Variants in INTS4 observed in about 807,000 individuals in gnomAD.
INTS4 encodes MSTP093.
A neutral mutation model predicts 119.5 loss-of-function variants in INTS4; 70 were observed. That is an observed-to-expected ratio of 0.59 (90% confidence interval 0.48 to 0.71). The LOEUF is 0.71. Among genes scored for constraint, INTS4 ranks in the 30% least tolerant of loss-of-function variants. The pLI is 0.00. For synonymous variants in INTS4, 316 were observed against 419.6 expected (o/e 0.75, Z 3.02); for missense variants, 867 against 1,173.2 (o/e 0.74, Z 3.81).
intron 7 of INTS4, among the ~76,000 whole-genome samples, 191 bp from the exon 8 acceptor site, chr11:77,956,253 A>G (rs1428424420): frequency 6.6e-6 from 1 of 152,168 alleles, no homozygotes; most frequent in East Asian, 1.9e-4. Flanking sequence ...TACAAAAAAA[A>G]TACAAAAATT....
At chr11:77,942,149 C>T (rs1200481489) in intron 8 of INTS4, among the ~76,000 whole-genome samples, 1 of 152,068 alleles carries the variant, frequency 6.6e-6, no homozygotes, top group Non-Finnish European at 1.5e-5. Context: ...AATAAAAAGA[C>T]AACAGCTGTA....
intron 4 of INTS4, among the ~76,000 whole-genome samples, chr11:77,967,188 A>G (rs1254891218): frequency 6.6e-6 from 1 of 152,172 alleles, no homozygotes; most frequent in East Asian, 1.9e-4. Context: ...CCCAACAGTC[A>G]TAGTTACAAA....
Position 77,903,629 on chromosome 11 carries a change from A to C in INTS4, c.2017-9T>G. On this transcript the variant is annotated splice_polypyrimidine_tract_variant and intron_variant, in intron 16 of 22. Transcript: ENST00000534064. ...AACTTTTCCTGCAAGGCCTACGCAG[A>C]CAAATCAGGAGGGAACAGAATACCG... 6.2e-7 allele frequency: 1 copy of C among 1,610,368 alleles called. No homozygotes were observed. Among genetic ancestry groups the C allele is most frequent in the Non-Finnish European group, 8.5e-7 (1 of 1,177,408 alleles).
chr11:77,892,708 GAGT>G (rs1952328699), intron 19 of INTS4, among the ~76,000 whole-genome samples: 1 of 151,840 alleles, frequency 6.6e-6, no homozygotes, highest in Non-Finnish European at 1.5e-5. Flanking sequence ...TCAGCCTCCC[GAGT>G]AGCTGGGACT....
intron 10 of INTS4, among the ~76,000 whole-genome samples, chr11:77,931,573 T>C (rs1953649900): frequency 6.6e-6 from 1 of 152,108 alleles, no homozygotes. Context: ...TCAAAACATC[T>C]CATGTACCCC....
intron 2 of INTS4, among the ~76,000 whole-genome samples, chr11:77,982,674 A>C (rs183457122): frequency 6.6e-6 from 1 of 152,204 alleles, no homozygotes; most frequent in Non-Finnish European, 1.5e-5. Flanking sequence ...GCCATATCTC[A>C]AGAATATAGC....
chr11:77,963,352 C>CAAAAAAAAAAAAAAA (rs777966254), intron 4 of INTS4: 45 of 177,680 alleles, frequency 2.5e-4, no homozygotes, highest in Middle Eastern at 4.2e-3. Context: ...GACTCCGTCT[C>CAAAAAAAAAAAAAAA]AAAAAAAAAA....
At chr11:77,958,885 T>C (rs753495890) in intron 6 of INTS4, 51 bp from the exon 7 acceptor site, 3 of 1,144,150 alleles carry the variant, frequency 2.6e-6, no homozygotes, top group Non-Finnish European at 3.9e-6. Flanking sequence ...TCTCAGGCAA[T>C]GTTTAAACTA....
chr11:77,879,236 T>G, intron 22 of INTS4, 109 bp from the exon 23 acceptor site: 1 of 1,199,390 alleles, frequency 8.3e-7, no homozygotes, highest in Non-Finnish European at 1.2e-6. Context: ...AGAAATTTCT[T>G]CATCCGTCTA....
chr11:77,875,577 G>A (rs150158813), downstream of INTS4, among the ~76,000 whole-genome samples: 24 of 152,266 alleles, frequency 1.6e-4, no homozygotes, highest in East Asian at 4.6e-3. Context: ...TCTTCCAATT[G>A]CTGTTATCTT....
chr11:77,907,875 T>C, intron 15 of INTS4, 65 bp from the exon 16 acceptor site: 2 of 1,018,128 alleles, frequency 2.0e-6, no homozygotes, highest in Non-Finnish European at 3.0e-6. Flanking sequence ...ATAAAGATCA[T>C]GTCAAAAGCA....
chr11:77,928,912 T>C (rs190075988), intron 10 of INTS4, among the ~76,000 whole-genome samples: 253 of 151,824 alleles, frequency 1.7e-3, no homozygotes, highest in African/African-American at 5.7e-3. Flanking sequence ...TCCCATCTAC[T>C]TGGGAGGCTG....
chr11:77,901,264 T>G (rs1952768998), intron 18 of INTS4, 157 bp downstream of exon 18: 4 of 814,588 alleles, frequency 4.9e-6, no homozygotes, highest in Non-Finnish European at 8.3e-6. Flanking sequence ...ACAACAGAAT[T>G]TGTAATATCT....
At chr11:77,943,101 T>G (rs1241116020) in intron 8 of INTS4, among the ~76,000 whole-genome samples, 1 of 152,164 alleles carries the variant, frequency 6.6e-6, no homozygotes, top group Non-Finnish European at 1.5e-5. Flanking sequence ...GTTGGCTTTT[T>G]TCTACTAGAA....
chr11:77,987,784 G>T (rs1011940483), intron 2 of INTS4: 31 of 368,712 alleles, frequency 8.4e-5, no homozygotes, highest in Admixed American at 2.5e-4. Context: ...TGAGGTGGGA[G>T]GATGGCTTGA....
intron 3 of INTS4, among the ~76,000 whole-genome samples, chr11:77,980,256 C>T (rs1003389301): frequency 6.6e-6 from 1 of 152,292 alleles, no homozygotes; most frequent in African/African-American, 2.4e-5. Flanking sequence ...CCACTCCCCA[C>T]TGAACACCTA....
rs143806539 is a variant in INTS4 at position 77,961,014 on chromosome 11, A to G, written c.596T>C (p.Ile199Thr). ...EGLAARDVQK[I>T]IGDYFSDQDP... is the part of the protein sequence containing the mutation. ...TTGGTCACTGAAGTAATCCCCTATA[A>G]TCTTCTGGACATCTCTGGCAGCTAG... is the stretch of plus-strand genomic sequence containing the variant. The change falls in exon 5 of 23, where the codon ATT becomes ACT. Residue 199 changes from isoleucine (I) to threonine (T), a missense_variant. Around this residue, in one of 5 missense-constraint regions of INTS4, gnomAD observed 224 missense variants for 231.8 expected, o/e 0.97. Transcript: ENST00000534064. 1.8e-4 allele frequency: 285 copies of G among 1,613,838 alleles called. No individual in the cohort carries two copies. Among genetic ancestry groups the G allele is most frequent in the Admixed American group, 5.3e-4 (32 of 59,984 alleles).
intron 15 of INTS4, chr11:77,918,306 A>G (rs1298990766): frequency 3.8e-6 from 2 of 526,462 alleles, no homozygotes; most frequent in Non-Finnish European, 6.9e-6. Flanking sequence ...GTGTGGTGGC[A>G]TATGCCTGTG....
intron 21 of INTS4, among the ~76,000 whole-genome samples, chr11:77,888,070 CTACTT>C (rs1160434983): frequency 6.6e-6 from 1 of 152,180 alleles, no homozygotes; most frequent in African/African-American, 2.4e-5. Context: ...TTGGAAAAAA[CTACTT>C]TAAAGTTCAT....
Sources: allele counts gnomAD v4.1 joint callset (sites outside exome capture counted in the v4.1 genomes callset), GRCh38; gene constraint gnomAD v4.1.1; regional missense constraint gnomAD v4.1.1; transcripts MANE v1.5; gene names NCBI Gene and HGNC (gene_info 2026-07-23, HGNC 2026-07-21).